The following FBXL20 variants were observed in gnomAD, a reference collection of about 807,000 sequenced individuals.
FBXL20 encodes F-box and leucine rich repeat protein 20.
FBXL20 carries 11 observed loss-of-function variants against 64.0 expected under a neutral mutation model. That is an observed-to-expected ratio of 0.17 (90% confidence interval 0.11 to 0.28). The LOEUF (loss-of-function observed/expected upper bound fraction) is 0.28. Ranked by LOEUF, FBXL20 falls within the 10% of genes least tolerant of loss-of-function variation. FBXL20 has a pLI of 1.00. For synonymous variants in FBXL20, 184 were observed against 189.0 expected (o/e 0.97, Z 0.22); for missense variants, 303 against 526.2 (o/e 0.58, Z 4.15).
chr17:39,286,098 T>C (rs191625365), intron 6 of FBXL20, among the ~76,000 whole-genome samples: 185 of 152,344 alleles, frequency 1.2e-3, no homozygotes, highest in Non-Finnish European at 1.2e-3. Flanking sequence ...TTAAAGACTT[T>C]TTTCTGCTGG....
In FBXL20 at chr17:39,295,784, G is replaced by GATATATATATATATATATATATATAT. The variant is rs10568875; in HGVS notation, c.398+1342_398+1343insATATATATATATATATATATATATAT. On this transcript the variant is annotated intron_variant, in intron 6 of 14. Transcript: ENST00000264658. ...CTTTTTGAAAATATGCAAATATGGA[G>GATATATATATATATATATATATATAT]ATATATATATATATATATATATTAA... 2.9e-3 allele frequency among the ~76,000 whole-genome samples: 402 copies of GATATATATATATATATATATATATAT among 136,872 alleles called. 7 individuals are homozygous for GATATATATATATATATATATATATAT. Among genetic ancestry groups the GATATATATATATATATATATATATAT allele is most frequent in the Non-Finnish European group, 4.5e-3 (280 of 62,614 alleles). The allele number at this position is 136,872 out of a possible 152,430, so 89.8% of individuals were successfully genotyped here. A position where few individuals can be genotyped will look rare whatever the true frequency, so the allele number is the denominator to read the frequency against.
intron 1 of FBXL20, among the ~76,000 whole-genome samples, chr17:39,399,619 A>C (rs35285898): frequency 0.37 from 56,386 of 151,996 alleles, 13,153 homozygotes; most frequent in African/African-American, 0.66. Flanking sequence ...AGGACTCCCC[A>C]CCTTATTCTT....
intron 2 of FBXL20, among the ~76,000 whole-genome samples, chr17:39,312,568 CTTTTTTTTTTTT>C (rs750605079): frequency 9.8e-5 from 9 of 91,712 alleles, no homozygotes; most frequent in Non-Finnish European, 1.8e-4. Context: ...TAAATTCTAT[CTTTTTTTTTTTT>C]TTTTTTTTTT....
At position 39,301,090 on chromosome 17, in the gene FBXL20, A is replaced by G. The variant is rs765965896; in HGVS notation, c.160-15T>C. On this transcript the variant is annotated splice_polypyrimidine_tract_variant and intron_variant, in intron 3 of 14. Coordinates refer to ENST00000264658, the MANE Select transcript of FBXL20 (RefSeq NM_032875.3). ...ACATTCCAGGCCTATTTTAAAGAAA[A>G]AGAGACAGAATGAGCAGAAGCTAAA... is the stretch of plus-strand genomic sequence containing the variant. 1.2e-6 allele frequency: 2 copies of G among 1,611,094 alleles called. No homozygotes were observed. The highest frequency in any genetic ancestry group is 1.7e-5 in the Admixed American group (1 of 59,846).
intron 2 of FBXL20, 120 bp downstream of exon 2, chr17:39,343,060 T>C (rs1567888794): frequency 3.5e-6 from 2 of 565,830 alleles, no homozygotes; most frequent in Non-Finnish European, 5.9e-6. Context: ...AGCAATCAAA[T>C]TTAAAAATTC....
At chr17:39,378,382 G>C (rs972191558) in intron 1 of FBXL20, among the ~76,000 whole-genome samples, 1 of 152,140 alleles carries the variant, frequency 6.6e-6, no homozygotes, top group African/African-American at 2.4e-5. Flanking sequence ...GCGTAGGCAG[G>C]AAGATTGAGC....
intron 6 of FBXL20, among the ~76,000 whole-genome samples, chr17:39,291,359 A>G (rs569948361): frequency 6.8e-6 from 1 of 146,526 alleles, no homozygotes; most frequent in South Asian, 2.2e-4. Context: ...GTAGGTAGGG[A>G]GGGAGGGAGG....
At chr17:39,281,251 T>C (rs1403354285) in intron 9 of FBXL20, 138 bp downstream of exon 9, 1 of 715,558 alleles carries the variant, frequency 1.4e-6, no homozygotes, top group African/African-American at 1.8e-5. Flanking sequence ...TCAAAAGTCA[T>C]CTGTGTGTTT....
chr17:39,397,777 T>G (rs977563680), intron 1 of FBXL20, among the ~76,000 whole-genome samples: 4 of 151,584 alleles, frequency 2.6e-5, no homozygotes, highest in Non-Finnish European at 5.9e-5. Context: ...TGGATGAACT[T>G]TGGAAAAGCT....
At chr17:39,323,712 A>G (rs908109140) in intron 2 of FBXL20, among the ~76,000 whole-genome samples, 1 of 151,968 alleles carries the variant, frequency 6.6e-6, no homozygotes. Context: ...TTCCCTACTT[A>G]TTAAGAATCT....
chr17:39,346,645 G>A (rs1369416691), intron 1 of FBXL20, among the ~76,000 whole-genome samples: 2 of 143,850 alleles, frequency 1.4e-5, no homozygotes, highest in Non-Finnish European at 1.5e-5. Flanking sequence ...TCATTTAGCA[G>A]GTTTCAGTGC....
chr17:39,261,316 G>A lies in FBXL20; in HGVS notation c.*144C>T. ...TAAGGGTGTGTATGTGTATGTATGTGTGGCTCTGGGGATCTGGACACTGCC... is the reference window on the plus strand; with the variant it reads ...TAAGGGTGTGTATGTGTATGTATGTATGGCTCTGGGGATCTGGACACTGCC... On this transcript the variant is annotated 3_prime_UTR_variant, in exon 15 of 15. Transcript: ENST00000264658. The A allele has an allele frequency of 1.4e-6, 1 of 706,322 alleles. No individual in the cohort carries two copies. Among genetic ancestry groups the A allele is most frequent in the East Asian group, 2.6e-5 (1 of 38,552 alleles). The allele number at this position is 706,322 out of a possible 1,614,324, so 43.8% of individuals were successfully genotyped here. A position where few individuals can be genotyped will look rare whatever the true frequency, so the allele number is the denominator to read the frequency against.
chr17:39,332,984 T>C (rs1472516032), intron 2 of FBXL20, among the ~76,000 whole-genome samples: 1 of 151,682 alleles, frequency 6.6e-6, no homozygotes, highest in Admixed American at 6.6e-5. Flanking sequence ...TTTTCTTTTT[T>C]AAGAGATAGT....
At chr17:39,345,642 G>C (rs2047625893) in intron 1 of FBXL20, among the ~76,000 whole-genome samples, 4 of 152,072 alleles carry the variant, frequency 2.6e-5, no homozygotes, top group Admixed American at 2.6e-4. Context: ...CCGGGTTCAA[G>C]CGATTCTCCT....
At chr17:39,295,905 T>C (rs1395117896) in intron 6 of FBXL20, among the ~76,000 whole-genome samples, 1 of 151,876 alleles carries the variant, frequency 6.6e-6, no homozygotes, top group African/African-American at 2.4e-5. Flanking sequence ...CAGAGTATTA[T>C]ATATAGATTT....
chr17:39,284,479 C>T (rs904428554), intron 7 of FBXL20, among the ~76,000 whole-genome samples: 6 of 152,180 alleles, frequency 3.9e-5, no homozygotes, highest in African/African-American at 1.2e-4. Context: ...CTGCTGGGCT[C>T]AAGTGATCCT....
chr17:39,375,796 C>A (rs991723585), intron 1 of FBXL20, among the ~76,000 whole-genome samples: 6 of 152,072 alleles, frequency 3.9e-5, no homozygotes, highest in African/African-American at 1.4e-4. Context: ...TTAATTTACC[C>A]CAAATGTGCC....
chr17:39,276,913 C>T (rs2046902235), intron 9 of FBXL20, among the ~76,000 whole-genome samples: 1 of 152,032 alleles, frequency 6.6e-6, no homozygotes, highest in Non-Finnish European at 1.5e-5. Context: ...ATAATGAGAC[C>T]ACCCCCAACT....
chr17:39,370,909 T>C lies in FBXL20; in HGVS notation c.43-27668A>G, dbSNP rs929173915. Among the ~76,000 whole-genome samples the C allele has an allele frequency of 5.3e-5, 8 of 152,086 alleles. 1 individual carries two copies. The highest frequency in any genetic ancestry group is 1.9e-4 in the African/African-American group (8 of 41,424). On this transcript the variant is annotated intron_variant, in intron 1 of 14. Coordinates refer to ENST00000264658, the MANE Select transcript of FBXL20 (RefSeq NM_032875.3). Reference sequence around the variant, plus strand: ...TGTGGATTTCCTAGAACCTGTCTTATAGAACAGCTGTATAAAGAGTTTTGT... The same window carrying C: ...TGTGGATTTCCTAGAACCTGTCTTACAGAACAGCTGTATAAAGAGTTTTGT...
Sources: gnomAD v4.1 joint callset for allele counts (sites outside exome capture counted in the v4.1 genomes callset) on GRCh38, gnomAD v4.1.1 for gene constraint, MANE v1.5 for transcripts, NCBI Gene and HGNC (gene_info 2026-07-23, HGNC 2026-07-21) for gene names.